The following SGPL1 variants were observed in gnomAD, a reference collection of about 807,000 sequenced individuals.
SGPL1 encodes SP-lyase 1.
Under a neutral mutation model 68.9 loss-of-function variants are expected in SGPL1, and 37 were observed. The observed-to-expected ratio is 0.54, with a 90% CI of 0.41 to 0.71. The LOEUF (loss-of-function observed/expected upper bound fraction) is 0.71. Ranked by LOEUF, SGPL1 falls within the 30% of genes least tolerant of loss-of-function variation. SGPL1 has a pLI of 0.00. For synonymous variants in SGPL1, 236 were observed against 248.5 expected, an observed-to-expected ratio of 0.95 and a Z score of 0.47; for missense variants, 551 against 704.6, an observed-to-expected ratio of 0.78 and a Z score of 2.47.
In SGPL1 at chr10:70,877,490, T is replaced by A; in HGVS notation, c.*155T>A. Reference sequence around the variant, plus strand: ...GCTTGAGCCTCAGGATTCTTGTTCTTCCTCTTATCTTCCTTTTGTGGTTTT... The same window carrying A: ...GCTTGAGCCTCAGGATTCTTGTTCTACCTCTTATCTTCCTTTTGTGGTTTT... On this transcript the variant is annotated 3_prime_UTR_variant, in exon 15 of 15. Coordinates refer to ENST00000373202, the MANE Select transcript of SGPL1 (RefSeq NM_003901.4). 1 of 583,154 alleles carries A rather than the reference T, an allele frequency of 1.7e-6. No homozygotes were observed. The allele number at this position is 583,154 out of a possible 1,614,324, so 36.1% of individuals were successfully genotyped here.
chr10:70,870,572 A>T (rs11591712), intron 9 of SGPL1, among the ~76,000 whole-genome samples: 8,265 of 151,790 alleles, frequency 0.054, 276 homozygotes, highest in Non-Finnish European at 0.063. Flanking sequence ...TGTCATTATG[A>T]TAGTGATTAT....
rs1261193560 is a variant in SGPL1, at chr10:70,849,574, C to T, written c.194-1569C>T. On this transcript the variant is annotated intron_variant, in intron 3 of 14. Transcript: ENST00000373202. ...GTCCCAGGTGTTTACAGAATGTGGA[C>T]TCTAGGGAGAGTTAGAAAGAGAGGG... Among the ~76,000 whole-genome samples the T allele has an allele frequency of 2.6e-5, 4 of 152,290 alleles. No individual in the cohort carries two copies. In the South Asian group the frequency reaches 8.3e-4, roughly 32 times the overall value.
chr10:70,817,483 A>G (rs1016478047), intron 2 of SGPL1, among the ~76,000 whole-genome samples: 1 of 152,190 alleles, frequency 6.6e-6, no homozygotes, highest in African/African-American at 2.4e-5. Context: ...ACCGGAGTGC[A>G]GTGGCTATTT....
At chr10:70,840,721 A>G (rs1430276307) in intron 2 of SGPL1, among the ~76,000 whole-genome samples, 3 of 152,202 alleles carry the variant, frequency 2.0e-5, no homozygotes, top group Non-Finnish European at 4.4e-5. Flanking sequence ...AAGAATTGCC[A>G]TTATCTTCAT....
At position 70,816,852 on chromosome 10, in the gene SGPL1, A is replaced by G. The variant is rs1282529146; in HGVS notation, c.-2A>G. The G allele has an allele frequency of 1.2e-6, 2 of 1,614,062 alleles. No individual in the cohort carries two copies. The highest frequency in any genetic ancestry group is 1.1e-5 in the South Asian group (1 of 91,080). On this transcript the variant is annotated 5_prime_UTR_variant, in exon 2 of 15. Transcript: ENST00000373202. The stretch of plus-strand genomic sequence containing the variant: ...GCGCGGAGAGGAGGCTGGAAGAGGA[A>G]GATGCCTAGCACAGACCTTCTGATG...
At chr10:70,851,053 G>A (rs1024062515) in intron 3 of SGPL1, 90 bp from the exon 4 acceptor site, 2 of 962,244 alleles carry the variant, frequency 2.1e-6, no homozygotes, top group Non-Finnish European at 3.3e-6. Flanking sequence ...TGGAAGGCAA[G>A]TGAGGTGGAA....
intron 2 of SGPL1, among the ~76,000 whole-genome samples, chr10:70,830,849 T>C (rs1845522608): frequency 1.3e-5 from 2 of 152,182 alleles, no homozygotes; most frequent in African/African-American, 2.4e-5. Context: ...TCCTGACTCT[T>C]ATACAGATAT....
At position 70,880,305 on chromosome 10, in the gene SGPL1, A is replaced by G. The variant is rs137919211; in HGVS notation, c.*2970A>G. On this transcript the variant is annotated 3_prime_UTR_variant, in exon 15 of 15. Coordinates refer to ENST00000373202, the MANE Select transcript of SGPL1 (RefSeq NM_003901.4). ...ATCCATCTCATTTCCAGGCACTTCA[A>G]TAGGTCGCTGATTGGTCCTTGCACC... The G allele has an allele frequency of 3.3e-5, 5 of 152,322 alleles. No individual in the cohort carries two copies. The highest frequency in any genetic ancestry group is 4.8e-5 in the African/African-American group (2 of 41,570). 9.4% of individuals were successfully genotyped at this position (152,322 alleles called of 1,614,324 possible). A position where few individuals can be genotyped will look rare whatever the true frequency, so the allele number is the denominator to read the frequency against.
rs768734116 is a variant in SGPL1 at position 70,877,344 on chromosome 10, C to A, written c.*9C>A. On this transcript the variant is annotated 3_prime_UTR_variant, in exon 15 of 15. Coordinates refer to ENST00000373202, the MANE Select transcript of SGPL1 (RefSeq NM_003901.4). ...CTCCAAAACCCCACTGAACTTGGAC[C>A]CTTTCTAGTCTCAAGGGGATTCCAG... is the stretch of plus-strand genomic sequence containing the variant. The A allele has an allele frequency of 2.5e-6, 4 of 1,613,828 alleles. No individual in the cohort carries two copies. The highest frequency in any genetic ancestry group is 3.4e-6 in the Non-Finnish European group (4 of 1,179,850).
rs1845679987 is a variant in SGPL1 at position 70,839,340 on chromosome 10, CA to C, written c.28-5130del. 5.0e-5 allele frequency among the ~76,000 whole-genome samples: 2 copies of C among 40,312 alleles called. 1 individual carries two copies. Among genetic ancestry groups the C allele is most frequent in the East Asian group, 1.5e-3 (2 of 1,352 alleles). 26.4% of individuals were successfully genotyped at this position (40,312 alleles called of 152,430 possible). A position where few individuals can be genotyped will look rare whatever the true frequency, so the allele number is the denominator to read the frequency against. ...TAAAAAGTATTATTCATTCACTGGG[CA>C]AATAATTTTTTTTTCTAGAGGAATA... On this transcript the variant is annotated intron_variant, in intron 2 of 14. Coordinates refer to ENST00000373202, the MANE Select transcript of SGPL1 (RefSeq NM_003901.4).
At chr10:70,817,134 C>G (rs1286232925) in intron 2 of SGPL1, among the ~76,000 whole-genome samples, 1 of 152,206 alleles carries the variant, frequency 6.6e-6, no homozygotes, top group Admixed American at 6.5e-5. Context: ...ATTCTCCTGC[C>G]TCAGCCTCCT....
intron 2 of SGPL1, among the ~76,000 whole-genome samples, chr10:70,819,730 A>T (rs1484980282): frequency 6.6e-6 from 1 of 151,010 alleles, no homozygotes; most frequent in Non-Finnish European, 1.5e-5. Context: ...TCTGAGGCTC[A>T]GATGATCCTT....
chr10:70,861,678 C>T (rs1026694676), intron 7 of SGPL1, among the ~76,000 whole-genome samples: 5 of 152,206 alleles, frequency 3.3e-5, no homozygotes, highest in Non-Finnish European at 7.3e-5. Context: ...CTGCGCGCAG[C>T]GCTTGCGGGC....
intron 2 of SGPL1, among the ~76,000 whole-genome samples, chr10:70,833,275 G>A (rs1046707703): frequency 6.6e-6 from 1 of 152,202 alleles, no homozygotes; most frequent in Non-Finnish European, 1.5e-5. Context: ...GGCTAGAAGG[G>A]AAAATGTAGA....
chr10:70,826,767 T>C (rs977349324), intron 2 of SGPL1, among the ~76,000 whole-genome samples: 3 of 152,094 alleles, frequency 2.0e-5, no homozygotes, highest in Admixed American at 2.0e-4. Flanking sequence ...TTTTTTAAAC[T>C]TGATGTAAAT....
chr10:70,871,866 T>C lies in SGPL1; in HGVS notation c.939T>C (p.His313=), dbSNP rs751250268. 3.1e-6 allele frequency: 5 copies of C among 1,614,102 alleles called. No individual in the cohort carries two copies. Among genetic ancestry groups the C allele is most frequent in the South Asian group, 1.1e-5 (1 of 91,068 alleles). ...CTGTCAAATACAAAATACCCCTTCA[T>C]GTCGACGCTTGTCTGGGAGGCTTCC... ...KLAVKYKIPL[H]VDACLGGFLI... Residue 313 remains histidine, a synonymous_variant, in exon 11 of 15, where the codon CAT becomes CAC. Transcript: ENST00000373202.
chr10:70,833,017 A>G (rs1490596632), intron 2 of SGPL1, among the ~76,000 whole-genome samples: 6 of 152,212 alleles, frequency 3.9e-5, no homozygotes, highest in African/African-American at 1.4e-4. Flanking sequence ...TGTCCTGACC[A>G]CAAGTACATT....
At chr10:70,822,585 C>T (rs1163789626) in intron 2 of SGPL1, among the ~76,000 whole-genome samples, 3 of 152,106 alleles carry the variant, frequency 2.0e-5, no homozygotes, top group African/African-American at 4.8e-5. Context: ...AGATAAAAAC[C>T]ATGCTGTGGG....
chr10:70,822,521 AG>A (rs1442635888), intron 2 of SGPL1, among the ~76,000 whole-genome samples: 1 of 152,212 alleles, frequency 6.6e-6, no homozygotes, highest in African/African-American at 2.4e-5. Context: ...GAATTTCCAT[AG>A]GGAATTGATG....
Sources: allele counts gnomAD v4.1 joint callset (sites outside exome capture counted in the v4.1 genomes callset), GRCh38; gene constraint gnomAD v4.1.1; transcripts MANE v1.5; gene names NCBI Gene and HGNC (gene_info 2026-07-23, HGNC 2026-07-21).